Variants in SMYD3 observed in about 807,000 individuals in gnomAD.
The protein encoded by SMYD3 is SET and MYND domain containing 3.
Under a neutral mutation model 57.7 loss-of-function variants are expected in SMYD3, and 36 were observed. The ratio of observed to expected loss-of-function variants is 0.62; its 90% confidence interval spans 0.48 to 0.82. The LOEUF (loss-of-function observed/expected upper bound fraction) is 0.82. SMYD3 is among the 40% of genes least tolerant of loss of function. The pLI is 0.00. For synonymous variants in SMYD3, 211 were observed against 195.0 expected, an observed-to-expected ratio of 1.08 and a Z score of -0.68; for missense variants, 515 against 538.8, an observed-to-expected ratio of 0.96 and a Z score of 0.44.
chr1:246,047,575 T>C (rs2059991038), intron 5 of SMYD3, among the ~76,000 whole-genome samples: 1 of 152,228 alleles, frequency 6.6e-6, no homozygotes, highest in African/African-American at 2.4e-5. Flanking sequence ...CAGTGGCTCA[T>C]GCCTGTAATC....
At chr1:246,239,231 A>C (rs1326460871) in intron 5 of SMYD3, among the ~76,000 whole-genome samples, 3 of 152,088 alleles carry the variant, frequency 2.0e-5, no homozygotes, top group Non-Finnish European at 4.4e-5. Context: ...ATATGTCCTA[A>C]TGCTATCCCT....
At chr1:245,934,837 G>A (rs528722450) in intron 5 of SMYD3, among the ~76,000 whole-genome samples, 25 of 152,286 alleles carry the variant, frequency 1.6e-4, no homozygotes, top group African/African-American at 5.8e-4. Flanking sequence ...AGGGTCTCAA[G>A]TTTTACCAGG....
intron 1 of SMYD3, among the ~76,000 whole-genome samples, chr1:246,373,822 TAGTC>T (rs1464599375): frequency 1.3e-5 from 2 of 152,194 alleles, no homozygotes; most frequent in Non-Finnish European, 2.9e-5. Context: ...GATTTGGAGT[TAGTC>T]AATCAAAACA....
intron 5 of SMYD3, among the ~76,000 whole-genome samples, chr1:246,014,157 TACTAAAAATACA>T (rs1488482904): frequency 1.3e-5 from 2 of 152,196 alleles, no homozygotes; most frequent in Admixed American, 6.5e-5. Flanking sequence ...ACCCCGTCTC[TACTAAAAATACA>T]AAAGTTAGCC....
chr1:246,092,670 T>G (rs919942434), intron 5 of SMYD3, among the ~76,000 whole-genome samples: 5 of 151,982 alleles, frequency 3.3e-5, no homozygotes, highest in African/African-American at 1.2e-4. Flanking sequence ...AAGAAAACAT[T>G]GGAGAAATGC....
rs113736592 is a variant in SMYD3, at chr1:246,168,511, C to A, written c.531+158690G>T. On this transcript the variant is annotated intron_variant, in intron 5 of 11. Transcript: ENST00000490107. ...AGGCAGAACCAAAATCTGTGAAGAACCTTTGGCTATACAGACACTCCACAG... is the reference window on the plus strand; with the variant it reads ...AGGCAGAACCAAAATCTGTGAAGAAACTTTGGCTATACAGACACTCCACAG... Among the ~76,000 whole-genome samples the A allele has an allele frequency of 1.6e-3, 247 of 152,276 alleles. 1 individual carries two copies. Among genetic ancestry groups the A allele is most frequent in the African/African-American group, 5.5e-3 (229 of 41,552 alleles).
intron 10 of SMYD3, among the ~76,000 whole-genome samples, chr1:245,798,413 C>CACACACATACACACACAA (rs2047669052): frequency 2.1e-5 from 3 of 143,910 alleles, no homozygotes; most frequent in Non-Finnish European, 1.5e-5. Context: ...CACATACACA[C>CACACACATACACACACAA]ACATACACAC....
intron 5 of SMYD3, among the ~76,000 whole-genome samples, chr1:246,271,183 A>G (rs892846340): frequency 7.9e-5 from 12 of 152,138 alleles, no homozygotes; most frequent in African/African-American, 2.7e-4. Context: ...GTTCTTAATT[A>G]TATATTTTGA....
At chr1:245,933,142 G>A (rs1005209468) in intron 5 of SMYD3, among the ~76,000 whole-genome samples, 2 of 152,070 alleles carry the variant, frequency 1.3e-5, no homozygotes, top group African/African-American at 4.8e-5. Flanking sequence ...AGAATTAAAA[G>A]AATGGAAATA....
chr1:245,848,027 T>C (rs10924359), intron 10 of SMYD3, among the ~76,000 whole-genome samples: 61,995 of 151,776 alleles, frequency 0.41, 13,251 homozygotes, highest in East Asian at 0.8. Flanking sequence ...GTCCCAGGAG[T>C]GGAGTGTGGC....
chr1:245,948,587 T>C (rs2057505150), intron 5 of SMYD3, among the ~76,000 whole-genome samples: 1 of 152,120 alleles, frequency 6.6e-6, no homozygotes, highest in African/African-American at 2.4e-5. Context: ...CCTAAGCAGC[T>C]ACAGCACAGC....
intron 1 of SMYD3, chr1:246,426,151 C>A (rs1254224225): frequency 6.6e-6 from 1 of 152,168 alleles, no homozygotes; most frequent in African/African-American, 2.4e-5. Flanking sequence ...TTATTGTTTA[C>A]ATTTATGAAG....
chr1:246,353,376 T>TG (rs1326164214), intron 2 of SMYD3, among the ~76,000 whole-genome samples: 1 of 151,670 alleles, frequency 6.6e-6, no homozygotes, highest in Non-Finnish European at 1.5e-5. Context: ...AAATTTTTTT[T>TG]TAAATTACCT....
chr1:246,087,168 G>A (rs2060735645), intron 5 of SMYD3, among the ~76,000 whole-genome samples: 1 of 152,152 alleles, frequency 6.6e-6, no homozygotes, highest in Non-Finnish European at 1.5e-5. Context: ...AGAATAAGTA[G>A]AGCTTTTGGC....
At chr1:246,124,965 GGA>G (rs2061483850) in intron 5 of SMYD3, among the ~76,000 whole-genome samples, 3 of 152,018 alleles carry the variant, frequency 2.0e-5, no homozygotes, top group Non-Finnish European at 4.4e-5. Flanking sequence ...CCAGCTACTG[GGA>G]AGGCTGAGGC....
At chr1:246,418,530 C>T (rs1274611427) in intron 1 of SMYD3, among the ~76,000 whole-genome samples, 1 of 152,150 alleles carries the variant, frequency 6.6e-6, no homozygotes, top group Non-Finnish European at 1.5e-5. Flanking sequence ...CAATTAGACC[C>T]CCTTCCTTAT....
At chr1:246,460,577 T>C (rs1274183617) in intron 1 of SMYD3, among the ~76,000 whole-genome samples, 1 of 152,198 alleles carries the variant, frequency 6.6e-6, no homozygotes, top group Non-Finnish European at 1.5e-5. Context: ...GAACAAAGGA[T>C]TTGAAAAATA....
intron 5 of SMYD3, among the ~76,000 whole-genome samples, chr1:245,985,068 C>A (rs2058675898): frequency 6.6e-6 from 1 of 152,108 alleles, no homozygotes; most frequent in Non-Finnish European, 1.5e-5. Flanking sequence ...ACACAGCATT[C>A]CCTCCTCCCT....
chr1:246,247,292 A>G (rs1178448639), intron 5 of SMYD3, among the ~76,000 whole-genome samples: 1 of 152,172 alleles, frequency 6.6e-6, no homozygotes, highest in Non-Finnish European at 1.5e-5. Context: ...CTCAAATTTT[A>G]TGTGTTATAA....
Sources: allele counts gnomAD v4.1 joint callset (sites outside exome capture counted in the v4.1 genomes callset), GRCh38; gene constraint gnomAD v4.1.1; transcripts MANE v1.5; gene names NCBI Gene and HGNC (gene_info 2026-07-23, HGNC 2026-07-21).